Variants in BICC1 observed in about 807,000 individuals in gnomAD.
The protein encoded by BICC1 is protein bicaudal C homolog 1.
BICC1 carries 43 observed loss-of-function variants against 111.0 expected under a neutral mutation model. The ratio of observed to expected loss-of-function variants is 0.39; its 90% CI spans 0.30 to 0.50. BICC1 has a LOEUF of 0.50. Ranked by LOEUF, BICC1 falls within the 20% of genes least tolerant of loss-of-function variation. The pLI is 0.88. For missense variants in BICC1, 1,091 were observed against 1,203.2 expected (o/e 0.91, Z 1.38); for synonymous variants, 467 against 434.4 (o/e 1.07, Z -0.93).
At chr10:58,573,336 A>G (rs1844017948) in intron 1 of BICC1, among the ~76,000 whole-genome samples, 3 of 152,158 alleles carry the variant, frequency 2.0e-5, no homozygotes, top group Admixed American at 1.3e-4. Context: ...GGCTTTTGTC[A>G]TTACTGAAGA....
At chr10:58,801,227 TCTTCTCTATAGTCC>T in intron 14 of BICC1, among the ~76,000 whole-genome samples, 181 bp downstream of exon 14, 1 of 152,278 alleles carries the variant, frequency 6.6e-6, no homozygotes, top group Non-Finnish European at 1.5e-5. Flanking sequence ...CCCTTCTCTG[TCTTCTCTATAGTCC>T]CTTCCCCATT....
At chr10:58,628,069 A>C (rs1241895091) in intron 2 of BICC1, among the ~76,000 whole-genome samples, 12 of 152,186 alleles carry the variant, frequency 7.9e-5, no homozygotes, top group Non-Finnish European at 1.6e-4. Context: ...TTTATGCCTA[A>C]TAAATGACTG....
chr10:58,623,465 A>T (rs10763568), intron 2 of BICC1, among the ~76,000 whole-genome samples: 92,728 of 151,958 alleles, frequency 0.61, 28,602 homozygotes, highest in African/African-American at 0.67. Context: ...GTTTGAAATG[A>T]TATATTTCCC....
chr10:58,775,014 T>G (rs1335627862), intron 3 of BICC1, among the ~76,000 whole-genome samples: 1 of 152,174 alleles, frequency 6.6e-6, no homozygotes, highest in Non-Finnish European at 1.5e-5. Flanking sequence ...TGATGCAATT[T>G]TTGATGCCTT....
chr10:58,671,281 A>G (rs1839175821), intron 2 of BICC1, among the ~76,000 whole-genome samples: 1 of 152,210 alleles, frequency 6.6e-6, no homozygotes, highest in South Asian at 2.1e-4. Flanking sequence ...AAAACTCTGT[A>G]GCAAGGTAGT....
chr10:58,723,505 A>G (rs1007827638), intron 3 of BICC1, among the ~76,000 whole-genome samples: 17 of 152,170 alleles, frequency 1.1e-4, no homozygotes, highest in African/African-American at 3.9e-4. Flanking sequence ...TGGTCACTCA[A>G]AAGTGGAGAA....
intron 1 of BICC1, among the ~76,000 whole-genome samples, chr10:58,564,113 T>C (rs780315822): frequency 2.0e-5 from 3 of 152,266 alleles, no homozygotes; most frequent in African/African-American, 4.8e-5. Context: ...ATTTTTGTTA[T>C]AAATTTACAT....
chr10:58,626,269 A>G (rs1430854309), intron 2 of BICC1, among the ~76,000 whole-genome samples: 1 of 152,180 alleles, frequency 6.6e-6, no homozygotes, highest in Non-Finnish European at 1.5e-5. Flanking sequence ...CCTAAAGCTA[A>G]CATTCTGTGA....
chr10:58,828,693 G>A (rs1844467893), intron 20 of BICC1, 68 bp from the exon 21 acceptor site: 4 of 1,507,524 alleles, frequency 2.7e-6, no homozygotes, highest in Non-Finnish European at 3.6e-6. Context: ...CTGAGCTCTA[G>A]TGCCATGTCC....
intron 2 of BICC1, among the ~76,000 whole-genome samples, chr10:58,628,634 T>C (rs1837703643): frequency 6.6e-6 from 1 of 152,162 alleles, no homozygotes; most frequent in Non-Finnish European, 1.5e-5. Context: ...ATTTTAAAAG[T>C]GGCAACAATA....
At position 58,605,271 on chromosome 10, in the gene BICC1, T is replaced by G. The variant is rs1038466322; in HGVS notation, c.191-15584T>G. Among the ~76,000 whole-genome samples the G allele has an allele frequency of 3.9e-5, 6 of 152,072 alleles. No individual in the cohort carries two copies. The East Asian group carries it at 1.2e-3, about 29-fold the overall frequency. On this transcript the variant is annotated intron_variant, in intron 1 of 20. Coordinates refer to ENST00000373886, the MANE Select transcript of BICC1 (RefSeq NM_001080512.3). ...AAAGACTTATGATGAAAACACAATA[T>G]CCTTCCCCACAAAACATACTCTGTT...
At chr10:58,634,088 A>G (rs1323500745) in intron 2 of BICC1, among the ~76,000 whole-genome samples, 1 of 147,570 alleles carries the variant, frequency 6.8e-6, no homozygotes, top group Non-Finnish European at 1.5e-5. Context: ...TCCACCTCCC[A>G]GGTTCAAGCA....
At chr10:58,823,219 C>G (rs1341729111) in intron 20 of BICC1, 1 of 984,982 alleles carries the variant, frequency 1.0e-6, no homozygotes, top group Non-Finnish European at 1.2e-6. Flanking sequence ...CCGACCTATT[C>G]TTTTAGTTTG....
intron 2 of BICC1, among the ~76,000 whole-genome samples, chr10:58,697,943 A>G (rs1840113583): frequency 6.6e-6 from 1 of 151,554 alleles, no homozygotes; most frequent in East Asian, 1.9e-4. Context: ...CCATGACAGA[A>G]TGCGTCACAC....
At chr10:58,684,559 T>C (rs1348924940) in intron 2 of BICC1, among the ~76,000 whole-genome samples, 1 of 152,246 alleles carries the variant, frequency 6.6e-6, no homozygotes, top group Non-Finnish European at 1.5e-5. Flanking sequence ...CAGAGCCTGT[T>C]ATTAGTCTAT....
chr10:58,513,103 A>AGCGGCG lies in BICC1; in HGVS notation c.-35_-30dup. On this transcript the variant is annotated 5_prime_UTR_variant, in exon 1 of 21. Coordinates refer to ENST00000373886, the MANE Select transcript of BICC1 (RefSeq NM_001080512.3). Reference sequence around the variant, plus strand: ...CGAGCGGAGGCGGCAGCGCAGGCAGAGCGGCGGCGGCAGCGGGAGCCCGAG... The same window carrying AGCGGCG: ...CGAGCGGAGGCGGCAGCGCAGGCAGAGCGGCGGCGGCGGCGGCAGCGGGAGCCCGAG... 7.4e-7 allele frequency: 1 copy of AGCGGCG among 1,344,156 alleles called. No individual in the cohort carries two copies. Among genetic ancestry groups the AGCGGCG allele is most frequent in the Non-Finnish European group, 9.5e-7 (1 of 1,049,656 alleles). The allele number at this position is 1,344,156 out of a possible 1,614,324, so 83.3% of individuals were successfully genotyped here.
At chr10:58,518,046 GGGT>G (rs1252670156) in intron 1 of BICC1, among the ~76,000 whole-genome samples, 1 of 152,136 alleles carries the variant, frequency 6.6e-6, no homozygotes, top group Non-Finnish European at 1.5e-5. Context: ...TTGTAAAGGT[GGGT>G]GGGTAAATAC....
In BICC1 at chr10:58,787,075, C is replaced by T. The variant is rs765667122; in HGVS notation, c.540C>T (p.Ser180=). The T allele has an allele frequency of 6.3e-7, 1 of 1,579,438 alleles. No homozygotes were observed. Among genetic ancestry groups the T allele is most frequent in the Non-Finnish European group, 8.6e-7 (1 of 1,167,996 alleles). The change falls in exon 5 of 21, where the codon AGC becomes AGT. Residue 180 remains serine, a synonymous_variant. Coordinates refer to ENST00000373886, the MANE Select transcript of BICC1 (RefSeq NM_001080512.3). ...DSNRNNQAEK[S]NQVSIAGQPA... is the part of the protein sequence containing the mutation. The stretch of plus-strand genomic sequence containing the variant: ...ACAGGAATAACCAAGCAGAAAAAAG[C>T]AACCAGGTGGTTTGTCTTTTCACAT...
intron 9 of BICC1, among the ~76,000 whole-genome samples, chr10:58,795,013 G>T (rs1843306672): frequency 6.6e-6 from 1 of 152,248 alleles, no homozygotes; most frequent in East Asian, 1.9e-4. Context: ...ACATTTTTAA[G>T]TATAAAGCAT....
Sources: gnomAD v4.1 joint callset for allele counts (sites outside exome capture counted in the v4.1 genomes callset) on GRCh38, gnomAD v4.1.1 for gene constraint, MANE v1.5 for transcripts, NCBI Gene and HGNC (gene_info 2026-07-23, HGNC 2026-07-21) for gene names.